PDE11A: variants seen among roughly 807,000 people sequenced by gnomAD.
PDE11A encodes dual 3',5'-cyclic-AMP and -GMP phosphodiesterase 11A.
PDE11A carries 100 observed loss-of-function variants against 100.5 expected under a neutral mutation model. That is an observed-to-expected ratio of 1.00 (90% CI 0.85 to 1.18). The LOEUF (loss-of-function observed/expected upper bound fraction) is 1.18, where lower values mean the gene tolerates loss of function less well. Ranked by LOEUF, PDE11A falls within the 50% of genes most tolerant of loss-of-function variation. The pLI, the probability that PDE11A is intolerant of heterozygous loss-of-function variation, is 0.00. For missense variants in PDE11A, 1,141 were observed against 1,152.6 expected (o/e 0.99, Z 0.15); for synonymous variants, 381 against 420.8 (o/e 0.91, Z 1.16).
intron 12 of PDE11A, among the ~76,000 whole-genome samples, chr2:177,727,002 A>G (rs999367186): frequency 6.6e-6 from 1 of 152,152 alleles, no homozygotes; most frequent in Middle Eastern, 3.2e-3. Flanking sequence ...TGCCAGAAGA[A>G]GTAAATAGAG....
intron 2 of PDE11A, among the ~76,000 whole-genome samples, chr2:177,959,877 G>A (rs965746434): frequency 5.9e-5 from 9 of 151,710 alleles, no homozygotes; most frequent in African/African-American, 9.7e-5. Flanking sequence ...CAAAATTTTC[G>A]GTATTAGAAA....
chr2:177,732,869 C>T (rs982538042), intron 10 of PDE11A, among the ~76,000 whole-genome samples: 1 of 152,074 alleles, frequency 6.6e-6, no homozygotes, highest in Non-Finnish European at 1.5e-5. Flanking sequence ...AAGTTCCAAG[C>T]CTTTCAAGAA....
intron 6 of PDE11A, among the ~76,000 whole-genome samples, chr2:177,836,277 AC>A (rs1350035761): frequency 4.6e-5 from 7 of 151,772 alleles, no homozygotes; most frequent in African/African-American, 1.7e-4. Context: ...GACTTGGAGA[AC>A]CTTTATGTCT....
intron 9 of PDE11A, among the ~76,000 whole-genome samples, chr2:177,775,608 T>C (rs1335207757): frequency 3.3e-5 from 5 of 152,180 alleles, no homozygotes; most frequent in African/African-American, 4.8e-5. Flanking sequence ...AACTTCGTGC[T>C]GCCTGTGCTC....
intron 4 of PDE11A, among the ~76,000 whole-genome samples, chr2:177,890,468 A>T (rs2084512456): frequency 6.6e-6 from 1 of 152,160 alleles, no homozygotes; most frequent in South Asian, 2.1e-4. Context: ...AAGTAACCTC[A>T]CTCAGCCTTT....
At chr2:177,652,241 A>G (rs1211330019) in intron 19 of PDE11A, among the ~76,000 whole-genome samples, 1 of 152,184 alleles carries the variant, frequency 6.6e-6, no homozygotes, top group Non-Finnish European at 1.5e-5. Context: ...ATGTTCTAAT[A>G]AAGGAACCCA....
intron 1 of PDE11A, among the ~76,000 whole-genome samples, chr2:178,016,449 C>G (rs901979284): frequency 6.6e-6 from 1 of 152,106 alleles, no homozygotes; most frequent in African/African-American, 2.4e-5. Context: ...TTCAGAAAAT[C>G]AGCAATCTGT....
chr2:178,020,690 C>T (rs1003861971), intron 1 of PDE11A, among the ~76,000 whole-genome samples: 11 of 152,036 alleles, frequency 7.2e-5, no homozygotes, highest in East Asian at 5.8e-4. Flanking sequence ...TACTCCTACT[C>T]GGCAGGCTGA....
Position 177,920,922 on chromosome 2 carries a change from C to T in PDE11A, c.1072-15735G>A, listed in dbSNP as rs533745012. ...CTAAAAATACAAAAAATTAGCCGGG[C>T]GTGGTGGTGGGCGCCTGTAGTCCCA... On this transcript the variant is annotated intron_variant, in intron 2 of 19. Transcript: ENST00000286063. 4.3e-4 allele frequency among the ~76,000 whole-genome samples: 66 copies of T among 151,822 alleles called. No individual in the cohort carries two copies. In the Middle Eastern group the frequency reaches 0.01, roughly 24 times the overall value.
chr2:177,712,505 G>A lies in PDE11A; in HGVS notation c.2044-627C>T, dbSNP rs376462523. Among the ~76,000 whole-genome samples, 38 of 152,310 alleles carry A rather than the reference G, an allele frequency of 2.5e-4. No individual in the cohort carries two copies. The South Asian group carries it at 5.4e-3, about 22-fold the overall frequency. On this transcript the variant is annotated intron_variant, in intron 12 of 19. Transcript: ENST00000286063. ...AAGGCAGTGCATGTCATGGACACCA[G>A]AATTTGTCAGAGGATTGTCAACCCA...
chr2:178,100,172 G>C (rs1208758543), intron 2 of PDE11A, among the ~76,000 whole-genome samples: 1 of 152,160 alleles, frequency 6.6e-6, no homozygotes, highest in Non-Finnish European at 1.5e-5. Context: ...GGTTATGGTT[G>C]CAAAACAGTG....
intron 2 of PDE11A, among the ~76,000 whole-genome samples, chr2:177,923,608 C>T (rs138698536): frequency 3.4e-4 from 52 of 152,234 alleles, no homozygotes; most frequent in African/African-American, 1.2e-3. Context: ...GCCATATGCC[C>T]ATGATTGAGC....
At chr2:177,971,564 CAT>C (rs1417518963) in intron 2 of PDE11A, among the ~76,000 whole-genome samples, 1 of 152,164 alleles carries the variant, frequency 6.6e-6, no homozygotes, top group Non-Finnish European at 1.5e-5. Flanking sequence ...CTGACTAAAA[CAT>C]AGATCTGTTC....
At chr2:177,664,115 AAT>A (rs2080532340) in intron 18 of PDE11A, among the ~76,000 whole-genome samples, 166 bp from the exon 19 acceptor site, 1 of 152,334 alleles carries the variant, frequency 6.6e-6, no homozygotes, top group African/African-American at 2.4e-5. Context: ...TATGATGAGA[AAT>A]AAAATGTTTT....
At chr2:177,838,057 C>T (rs1218423022) in intron 6 of PDE11A, among the ~76,000 whole-genome samples, 2 of 151,896 alleles carry the variant, frequency 1.3e-5, no homozygotes, top group East Asian at 1.9e-4. Context: ...CATGAGAGGC[C>T]CTAAAATAAT....
intron 3 of PDE11A, among the ~76,000 whole-genome samples, chr2:177,901,341 C>A (rs74267469): frequency 0.022 from 3,421 of 152,290 alleles, 62 homozygotes; most frequent in East Asian, 0.074. Context: ...TCCCTACTCA[C>A]TGGCCTTCCC....
chr2:177,891,787 C>A (rs2084533504), intron 4 of PDE11A, among the ~76,000 whole-genome samples: 2 of 152,134 alleles, frequency 1.3e-5, no homozygotes, highest in Non-Finnish European at 2.9e-5. Flanking sequence ...TTGTCTATGA[C>A]TGCTTTTGTG....
At chr2:177,692,184 T>A (rs1442913535) in intron 15 of PDE11A, among the ~76,000 whole-genome samples, 2 of 152,174 alleles carry the variant, frequency 1.3e-5, no homozygotes, top group East Asian at 3.8e-4. Context: ...AAGTAAGCAC[T>A]CAAAAAGTAT....
intron 15 of PDE11A, among the ~76,000 whole-genome samples, chr2:177,681,521 T>A (rs977735279): frequency 1.3e-5 from 2 of 152,180 alleles, no homozygotes; most frequent in African/African-American, 4.8e-5. Context: ...GGGGTTTCAG[T>A]TGCTAACTCA....
Sources: gnomAD v4.1 joint callset for allele counts (sites outside exome capture counted in the v4.1 genomes callset) on GRCh38, gnomAD v4.1.1 for gene constraint, MANE v1.5 for transcripts, NCBI Gene and HGNC (gene_info 2026-07-23, HGNC 2026-07-21) for gene names.